Variants in IMMP2L observed in about 807,000 individuals in gnomAD.
The protein encoded by IMMP2L is inner mitochondrial membrane peptidase subunit 2.
In IMMP2L, 18 loss-of-function variants were observed where a neutral mutation model predicts 19.3. The ratio of observed to expected loss-of-function variants is 0.93; its 90% CI spans 0.64 to 1.38. The LOEUF is 1.38. IMMP2L is among the 40% of genes most tolerant of loss of function. The pLI, the probability that IMMP2L is intolerant of heterozygous loss-of-function variation, is 0.00. For synonymous variants in IMMP2L, 76 were observed against 73.0 expected, an observed-to-expected ratio of 1.04 and a Z score of -0.21; for missense variants, 233 against 218.2, an observed-to-expected ratio of 1.07 and a Z score of -0.43.
At chr7:111,093,557 G>A (rs187366872) in intron 3 of IMMP2L, among the ~76,000 whole-genome samples, 6 of 152,160 alleles carry the variant, frequency 3.9e-5, no homozygotes, top group Non-Finnish European at 7.4e-5. Context: ...AATCTAACCC[G>A]CCTTATTTTA....
chr7:110,667,168 C>T (rs1791522762), intron 5 of IMMP2L, among the ~76,000 whole-genome samples: 1 of 152,172 alleles, frequency 6.6e-6, no homozygotes, highest in Non-Finnish European at 1.5e-5. Flanking sequence ...CTGCGCCCGG[C>T]CTGGAATAAA....
intron 3 of IMMP2L, among the ~76,000 whole-genome samples, chr7:111,305,067 A>ACTTTGT (rs1184513311): frequency 6.6e-6 from 1 of 152,076 alleles, no homozygotes; most frequent in South Asian, 2.1e-4. Flanking sequence ...GAATAGAGAA[A>ACTTTGT]CTTTGTCTTG....
At chr7:111,459,200 CTG>C (rs1210881745) in intron 3 of IMMP2L, among the ~76,000 whole-genome samples, 1 of 152,014 alleles carries the variant, frequency 6.6e-6, no homozygotes, top group Admixed American at 6.6e-5. Flanking sequence ...ACAAAGAAAA[CTG>C]TTATCTTATC....
chr7:110,920,282 G>A lies in IMMP2L; in HGVS notation c.306-33587C>T, dbSNP rs995776027. Among the ~76,000 whole-genome samples, 8 of 151,956 alleles carry A rather than the reference G, an allele frequency of 5.3e-5. No homozygotes were observed. The South Asian group carries it at 6.2e-4, about 12-fold the overall frequency. On this transcript the variant is annotated intron_variant, in intron 4 of 5. Coordinates refer to ENST00000405709, the MANE Select transcript of IMMP2L (RefSeq NM_032549.4). ...TATCCTATTAGTTCTGTCCCTCTAG[G>A]GAACCCTAATACAGTAGGTTTCTCC...
chr7:111,508,113 C>G (rs1845106022), intron 2 of IMMP2L, among the ~76,000 whole-genome samples: 1 of 152,084 alleles, frequency 6.6e-6, no homozygotes, highest in Non-Finnish European at 1.5e-5. Context: ...AGCTGACAAT[C>G]TTGTGACTGT....
chr7:111,481,274 GA>G (rs2132207874), intron 3 of IMMP2L, among the ~76,000 whole-genome samples: 1 of 152,256 alleles, frequency 6.6e-6, no homozygotes, highest in South Asian at 2.1e-4. Context: ...ACCAGGGCCA[GA>G]ATGACTTCTT....
At chr7:111,110,038 G>A (rs963061180) in intron 3 of IMMP2L, among the ~76,000 whole-genome samples, 8 of 152,164 alleles carry the variant, frequency 5.3e-5, no homozygotes, top group African/African-American at 1.9e-4. Context: ...AGGAGGCTGA[G>A]GCAGGAGAAT....
At chr7:111,498,846 T>A (rs1843854725) in intron 2 of IMMP2L, among the ~76,000 whole-genome samples, 1 of 152,072 alleles carries the variant, frequency 6.6e-6, no homozygotes, top group Admixed American at 6.5e-5. Context: ...GGAATTTTGG[T>A]ACCTGGGTAC....
At chr7:110,850,354 T>C (rs1585025395) in intron 5 of IMMP2L, among the ~76,000 whole-genome samples, 1 of 152,236 alleles carries the variant, frequency 6.6e-6, no homozygotes, top group East Asian at 1.9e-4. Context: ...AGTTACCACC[T>C]TTCTCCATGA....
chr7:110,765,257 G>A (rs1329595712), intron 5 of IMMP2L, among the ~76,000 whole-genome samples: 2 of 152,064 alleles, frequency 1.3e-5, no homozygotes, highest in African/African-American at 4.8e-5. Context: ...GATTGCTAAG[G>A]TTAATGGTGA....
At chr7:111,102,754 G>A (rs1258050877) in intron 3 of IMMP2L, among the ~76,000 whole-genome samples, 6 of 151,364 alleles carry the variant, frequency 4.0e-5, no homozygotes, top group South Asian at 2.1e-4. Context: ...CCACTACTCT[G>A]GGACATTCCA....
intron 1 of IMMP2L, among the ~76,000 whole-genome samples, chr7:111,528,476 T>C (rs917839388): frequency 1.3e-5 from 2 of 152,180 alleles, no homozygotes; most frequent in Non-Finnish European, 2.9e-5. Context: ...ATTTTTTAAA[T>C]AAGCTTTCAG....
At chr7:110,948,677 A>G (rs1474692379) in intron 4 of IMMP2L, among the ~76,000 whole-genome samples, 1 of 152,192 alleles carries the variant, frequency 6.6e-6, no homozygotes, top group East Asian at 1.9e-4. Flanking sequence ...TTCTTGTAGT[A>G]TAATAGCTCT....
intron 5 of IMMP2L, among the ~76,000 whole-genome samples, chr7:110,822,335 T>C (rs1297477486): frequency 1.3e-5 from 2 of 152,222 alleles, no homozygotes; most frequent in East Asian, 1.9e-4. Context: ...ACATAAAAGA[T>C]CCTCTGTGAT....
At chr7:111,238,501 A>T (rs1256034841) in intron 3 of IMMP2L, among the ~76,000 whole-genome samples, 2 of 152,012 alleles carry the variant, frequency 1.3e-5, no homozygotes, top group Admixed American at 6.6e-5. Context: ...TTACAAAAGC[A>T]TCAAATACAA....
intron 2 of IMMP2L, among the ~76,000 whole-genome samples, chr7:111,493,529 C>G (rs897818827): frequency 1.2e-4 from 18 of 151,156 alleles, no homozygotes; most frequent in Non-Finnish European, 2.2e-4. Flanking sequence ...GGTGAAACCC[C>G]GTCTCTACCA....
In IMMP2L at chr7:110,860,294, G is replaced by A. The variant is rs1585054106; in HGVS notation, c.408+26299C>T. On this transcript the variant is annotated intron_variant, in intron 5 of 5. Transcript: ENST00000405709. ...GATTTAAAAAATATTTCAGTCACGTGAATATGCTATGACTAGAGTAATAAA... is the reference window on the plus strand; with the variant it reads ...GATTTAAAAAATATTTCAGTCACGTAAATATGCTATGACTAGAGTAATAAA... 1.3e-5 allele frequency among the ~76,000 whole-genome samples: 2 copies of A among 152,020 alleles called. 1 individual carries two copies. Among genetic ancestry groups the A allele is most frequent in the South Asian group, 4.1e-4 (2 of 4,820 alleles).
At chr7:111,378,023 C>A (rs1830843628) in intron 3 of IMMP2L, among the ~76,000 whole-genome samples, 1 of 151,344 alleles carries the variant, frequency 6.6e-6, no homozygotes, top group Non-Finnish European at 1.5e-5. Context: ...ATGTTAAAAT[C>A]CAAGAAATAT....
At chr7:111,301,831 A>G (rs1325855784) in intron 3 of IMMP2L, among the ~76,000 whole-genome samples, 1 of 150,900 alleles carries the variant, frequency 6.6e-6, no homozygotes, top group Non-Finnish European at 1.5e-5. Flanking sequence ...CCCTCCACCA[A>G]TAACACATTG....
Sources: allele counts gnomAD v4.1 joint callset (sites outside exome capture counted in the v4.1 genomes callset), GRCh38; gene constraint gnomAD v4.1.1; transcripts MANE v1.5; gene names NCBI Gene and HGNC (gene_info 2026-07-23, HGNC 2026-07-21).